Variants in DNAAF10 observed in about 807,000 individuals in gnomAD.
The protein encoded by DNAAF10 is WD repeat domain 92.
Under a neutral mutation model 43.7 loss-of-function variants are expected in DNAAF10, and 28 were observed. The ratio of observed to expected loss-of-function variants is 0.64; its 90% CI spans 0.48 to 0.88. The LOEUF is 0.88. Among genes scored for constraint, DNAAF10 ranks in the 40% least tolerant of loss-of-function variants. DNAAF10 has a pLI of 0.00. For synonymous variants in DNAAF10, 156 were observed against 157.3 expected, an observed-to-expected ratio of 0.99 and a Z score of 0.06; for missense variants, 403 against 439.1, an observed-to-expected ratio of 0.92 and a Z score of 0.73.
chr2:68,132,257 T>C (rs1672943817), intron 7 of DNAAF10, among the ~76,000 whole-genome samples: 1 of 152,188 alleles, frequency 6.6e-6, no homozygotes, highest in South Asian at 2.1e-4. Flanking sequence ...CTTTATTTCA[T>C]ACATGCTGGC....
chr2:68,139,122 C>T (rs577214784), intron 4 of DNAAF10, among the ~76,000 whole-genome samples: 2 of 152,232 alleles, frequency 1.3e-5, no homozygotes, highest in Admixed American at 6.5e-5. Context: ...TCCCCAATGT[C>T]GGAGGTGGGG....
chr2:68,149,076 A>G (rs1443762247), intron 1 of DNAAF10, among the ~76,000 whole-genome samples: 1 of 152,208 alleles, frequency 6.6e-6, no homozygotes, highest in Non-Finnish European at 1.5e-5. Flanking sequence ...CCTGTTTCAA[A>G]TAATTTTAAA....
chr2:68,132,132 T>A (rs1259421842), intron 7 of DNAAF10: 2 of 152,424 alleles, frequency 1.3e-5, no homozygotes, highest in Non-Finnish European at 2.9e-5. Flanking sequence ...TGGTCTAGAT[T>A]TGAAAAGGGG....
chr2:68,131,849 G>A (rs1672936423), intron 7 of DNAAF10: 1 of 194,982 alleles, frequency 5.1e-6, no homozygotes, highest in South Asian at 8.7e-5. Flanking sequence ...CAAAGGCAAT[G>A]GCTGTAAGTA....
chr2:68,133,465 C>T (rs571455848), intron 7 of DNAAF10, among the ~76,000 whole-genome samples: 50 of 152,158 alleles, frequency 3.3e-4, no homozygotes, highest in Admixed American at 1.5e-3. Flanking sequence ...CTAAAGTGTT[C>T]ACTCTGGCTG....
chr2:68,141,378 T>C (rs1453528800), intron 4 of DNAAF10, among the ~76,000 whole-genome samples: 2 of 152,222 alleles, frequency 1.3e-5, no homozygotes, highest in African/African-American at 4.8e-5. Context: ...TCTCAGCACT[T>C]TACATGTAAT....
At chr2:68,132,946 A>G (rs1672954778) in intron 7 of DNAAF10, among the ~76,000 whole-genome samples, 1 of 152,212 alleles carries the variant, frequency 6.6e-6, no homozygotes, top group African/African-American at 2.4e-5. Flanking sequence ...ATACAAATCC[A>G]TGTGTAGATT....
At chr2:68,131,891 G>A in intron 7 of DNAAF10, 1 of 178,380 alleles carries the variant, frequency 5.6e-6, no homozygotes, top group Non-Finnish European at 1.2e-5. Context: ...AACACTTCCA[G>A]AATGAAAAAC....
At chr2:68,142,848 G>C (rs1175457481) in intron 3 of DNAAF10, among the ~76,000 whole-genome samples, 3 of 151,866 alleles carry the variant, frequency 2.0e-5, no homozygotes, top group African/African-American at 7.3e-5. Flanking sequence ...TTTATCTCCA[G>C]GGATAAAATA....
chr2:68,148,684 A>G (rs1311922053), intron 1 of DNAAF10, among the ~76,000 whole-genome samples: 1 of 152,184 alleles, frequency 6.6e-6, no homozygotes, highest in South Asian at 2.1e-4. Flanking sequence ...CTCTTGCCAT[A>G]TAACACTTCC....
At chr2:68,147,594 A>T (rs764607818) in intron 1 of DNAAF10, 27 bp from the exon 2 acceptor site, 1 of 1,519,694 alleles carries the variant, frequency 6.6e-7, no homozygotes, top group Non-Finnish European at 9.0e-7. Context: ...AAGAGAGGAT[A>T]TATTATTTAT....
intron 5 of DNAAF10, among the ~76,000 whole-genome samples, chr2:68,137,680 T>C (rs1414123675): frequency 6.8e-6 from 1 of 147,734 alleles, no homozygotes; most frequent in Admixed American, 6.8e-5. Context: ...CAGCCTGACC[T>C]ACATGGTGAA....
chr2:68,149,319 C>A (rs534924931), intron 1 of DNAAF10, among the ~76,000 whole-genome samples: 1 of 152,254 alleles, frequency 6.6e-6, no homozygotes, highest in Non-Finnish European at 1.5e-5. Context: ...GGAGTTACTA[C>A]GTGGCCAAGT....
chr2:68,157,001 C>G (rs1207374418), intron 1 of DNAAF10: 1 of 556,806 alleles, frequency 1.8e-6, no homozygotes, highest in African/African-American at 1.9e-5. Flanking sequence ...TCCAACCACA[C>G]TGCAGGCATC....
At chr2:68,147,316 T>C (rs1673341236) in intron 2 of DNAAF10, 151 bp downstream of exon 2, 3 of 539,618 alleles carry the variant, frequency 5.6e-6, no homozygotes, top group South Asian at 5.3e-5. Flanking sequence ...AATCTAGAAA[T>C]ATATATTAGA....
chr2:68,142,020 C>T (rs1673191849), intron 3 of DNAAF10, among the ~76,000 whole-genome samples: 1 of 152,164 alleles, frequency 6.6e-6, no homozygotes, highest in East Asian at 1.9e-4. Context: ...AATAGACACA[C>T]AGAAAAGCCA....
At position 68,157,458 on chromosome 2, in the gene DNAAF10, C is replaced by A; in HGVS notation, c.-15G>T. 6.2e-7 allele frequency: 1 copy of A among 1,613,898 alleles called. No individual in the cohort carries two copies. Among genetic ancestry groups the A allele is most frequent in the Non-Finnish European group, 8.5e-7 (1 of 1,179,948 alleles). ...AAGGCCGACATGGTGCAGCCAATTT[C>A]AGCTACGGCAACCGCCACACCCAGA... On this transcript the variant is annotated 5_prime_UTR_variant, in exon 1 of 8. Transcript: ENST00000295121.
Position 68,138,822 on chromosome 2 carries a change from C to G in DNAAF10, c.553G>C (p.Ala185Pro). 1 of 1,614,014 alleles carries G rather than the reference C, an allele frequency of 6.2e-7. No individual in the cohort carries two copies. Among genetic ancestry groups the G allele is most frequent in the Non-Finnish European group, 8.5e-7 (1 of 1,179,912 alleles). Reference protein sequence around the residue: ...AYNQEERVVCAGYDNGDIKLF... With the variant: ...AYNQEERVVCPGYDNGDIKLF... ...TTGATATCCCCATTGTCATAGCCAGCACAAACAACACGTTCTTCTTGATTA... is the reference window on the plus strand; with the variant it reads ...TTGATATCCCCATTGTCATAGCCAGGACAAACAACACGTTCTTCTTGATTA... The change falls in exon 5 of 8, where the codon GCT becomes CCT. Residue 185 changes from alanine (A) to proline (P), a missense_variant. Physicochemically the swap from Ala to Pro is conservative, Grantham distance 27 (BLOSUM62 -1). Coordinates refer to ENST00000295121, the MANE Select transcript of DNAAF10 (RefSeq NM_138458.4).
intron 3 of DNAAF10, 74 bp from the exon 4 acceptor site, chr2:68,141,869 ATGGC>A: frequency 8.0e-7 from 1 of 1,252,896 alleles, no homozygotes; most frequent in Non-Finnish European, 1.2e-6. Flanking sequence ...TTCTTCTTCT[ATGGC>A]TTCCTGTGTA....
Sources: gnomAD v4.1 joint callset for allele counts (sites outside exome capture counted in the v4.1 genomes callset) on GRCh38, gnomAD v4.1.1 for gene constraint, MANE v1.5 for transcripts, NCBI Gene and HGNC (gene_info 2026-07-23, HGNC 2026-07-21) for gene names.